Variants in PTRH1 observed in about 807,000 individuals in gnomAD.
PTRH1 encodes peptidyl-tRNA hydrolase.
A neutral mutation model predicts 15.7 loss-of-function variants in PTRH1; 13 were observed. The ratio of observed to expected loss-of-function variants is 0.83; its 90% CI spans 0.54 to 1.31. The LOEUF (loss-of-function observed/expected upper bound fraction) is 1.31, where lower values mean the gene tolerates loss of function less well. Among genes scored for constraint, PTRH1 ranks in the 40% most tolerant of loss-of-function variants. PTRH1 has a pLI of 0.00. For missense variants in PTRH1, 319 were observed against 296.2 expected, an observed-to-expected ratio of 1.08 and a Z score of -0.56; for synonymous variants, 139 against 136.7, an observed-to-expected ratio of 1.02 and a Z score of -0.12.
intron 1 of PTRH1, among the ~76,000 whole-genome samples, chr9:127,701,108 G>T (rs779907146): frequency 7.9e-5 from 12 of 152,154 alleles, no homozygotes; most frequent in Admixed American, 1.3e-4. Context: ...TGCTGAATAT[G>T]TATGTTTAGC....
chr9:127,708,605 C>T lies in PTRH1; in HGVS notation c.205+6830G>A, dbSNP rs1588389262. ...ACTTCCCTTGAAATTCACAAACTTC[C>T]CTTGAGCTGAGATATCAGGTAGAAT... On this transcript the variant is annotated intron_variant, in intron 1 of 2. Coordinates refer to the PTRH1 transcript ENST00000335223. 3.9e-5 allele frequency among the ~76,000 whole-genome samples: 6 copies of T among 152,134 alleles called. No homozygotes were observed. The South Asian group carries it at 1.0e-3, about 26-fold the overall frequency.
At position 127,715,568 on chromosome 9, in the gene PTRH1, A is replaced by G. The variant is rs1842951166; in HGVS notation, c.72T>C (p.Pro24=). The change falls in exon 1 of 5, where the codon CCT becomes CCC. Residue 24 remains proline (P), a synonymous_variant. Transcript: ENST00000543175. This position sits in a 1 kb window ranked among gnomAD's most constrained non-coding sequence, Gnocchi z 5.8. ...SRAMSRCVLE[P]RPPGKRWMVA... ...CCATCCACCGCTTCCCCGGGGGGCG[A>G]GGCTCCAAAACACATCGGCTCATGG... The G allele has an allele frequency of 6.2e-7, 1 of 1,613,336 alleles. No homozygotes were observed. The highest frequency in any genetic ancestry group is 1.7e-5 in the Admixed American group (1 of 59,998).
downstream of PTRH1, chr9:127,710,684 C>T (rs1842745354): frequency 7.6e-6 from 12 of 1,578,100 alleles, no homozygotes; most frequent in African/African-American, 1.3e-5. Flanking sequence ...GGAGCAGGTG[C>T]GGAAGCAGGA....
chr9:127,710,652 C>T (rs190081607), downstream of PTRH1: 46 of 1,586,808 alleles, frequency 2.9e-5, no homozygotes, highest in African/African-American at 4.0e-5. Flanking sequence ...GAGGAGGTCA[C>T]GGACAAGTTC....
chr9:127,714,449 T>C (rs766063958), intron 3 of PTRH1, 25 bp from the exon 4 acceptor site: 1 of 1,613,558 alleles, frequency 6.2e-7, no homozygotes, highest in Admixed American at 1.7e-5. Context: ...GGAGGGGCAG[T>C]TAGTGCCTCC....
Position 127,715,030 on chromosome 9 carries a change from G to A in PTRH1, c.261C>T (p.Val87=). Reference sequence around the variant, plus strand: ...TCATAAGCCGCCGTGGCCGGAGCAGGACCAGTTGGGCATCCCCCAGCGGGG... The same window carrying A: ...TCATAAGCCGCCGTGGCCGGAGCAGAACCAGTTGGGCATCCCCCAGCGGGG... The part of the protein sequence containing the change: ...ALAPLGDAQL[V]LLRPRRLMNA... Residue 87 remains valine (V), a synonymous_variant, in exon 2 of 5, where the codon GTC becomes GTT. Transcript: ENST00000543175. This position sits in a 1 kb window ranked among gnomAD's most constrained non-coding sequence, Gnocchi z 5.8. The A allele has an allele frequency of 6.6e-7, 1 of 1,521,692 alleles. No homozygotes were observed. The highest frequency in any genetic ancestry group is 8.8e-7 in the Non-Finnish European group (1 of 1,140,614). 94.3% of individuals were successfully genotyped at this position (1,521,692 alleles called of 1,614,324 possible).
chr9:127,712,116 A>C, downstream of PTRH1: 1 of 1,558,766 alleles, frequency 6.4e-7, no homozygotes, highest in Non-Finnish European at 8.7e-7. Flanking sequence ...GGGCTTGGAG[A>C]GAAATGGCAG....
intron 1 of PTRH1, among the ~76,000 whole-genome samples, chr9:127,704,594 GA>G (rs1362749808): frequency 2.6e-5 from 4 of 151,760 alleles, no homozygotes; most frequent in African/African-American, 9.7e-5. Context: ...AGAGATATGC[GA>G]CTGTGATGTG....
downstream of PTRH1, chr9:127,711,932 T>C (rs1445418653): frequency 1.2e-6 from 2 of 1,606,232 alleles, no homozygotes. Context: ...CAGCTGCAGG[T>C]GGATAACCAG....
chr9:127,710,602 G>T, downstream of PTRH1: 1 of 1,580,486 alleles, frequency 6.3e-7, no homozygotes, highest in East Asian at 2.3e-5. Context: ...GGCGGCCAGG[G>T]GGGAAGCTGG....
chr9:127,713,177 G>T (rs1240872337), downstream of PTRH1: 1 of 1,570,454 alleles, frequency 6.4e-7, no homozygotes, highest in Non-Finnish European at 8.6e-7. Flanking sequence ...CACCCGTGTG[G>T]GGACCTTCCG....
chr9:127,694,895 G>A (rs1316843421), intron 2 of PTRH1: 1 of 682,886 alleles, frequency 1.5e-6, no homozygotes, highest in Admixed American at 2.0e-5. Context: ...AGGCCAGAGT[G>A]GTTAGGAGCA....
At chr9:127,700,621 ACT>A (rs1304543807) in intron 1 of PTRH1, among the ~76,000 whole-genome samples, 1 of 152,002 alleles carries the variant, frequency 6.6e-6, no homozygotes, top group East Asian at 1.9e-4. Context: ...GGCAGAGCAG[ACT>A]CTTCTATGGC....
chr9:127,713,910 C>T lies in PTRH1; in HGVS notation c.*190G>A, dbSNP rs926989419. The T allele has an allele frequency of 3.1e-6, 5 of 1,612,592 alleles. No homozygotes were observed. The highest frequency in any genetic ancestry group is 3.4e-6 in the Non-Finnish European group (4 of 1,178,856). The stretch of plus-strand genomic sequence containing the variant: ...GTTCCCCTACGTCCCAAGTAGGACA[C>T]AGAGAGAAGAACCTACTCCAGAAAT... On this transcript the variant is annotated 3_prime_UTR_variant, in exon 5 of 5. Coordinates refer to ENST00000543175, the MANE Select transcript of PTRH1 (RefSeq NM_001002913.3).
At chr9:127,700,726 T>C (rs1455386580) in intron 1 of PTRH1, among the ~76,000 whole-genome samples, 1 of 152,212 alleles carries the variant, frequency 6.6e-6, no homozygotes, top group Non-Finnish European at 1.5e-5. Flanking sequence ...TCTTTTTCTC[T>C]AGCAGCTAAA....
Position 127,715,399 on chromosome 9 carries a change from T to A in PTRH1, c.96+145A>T. 1 of 1,334,122 alleles carries A rather than the reference T, an allele frequency of 7.5e-7. No homozygotes were observed. Among genetic ancestry groups the A allele is most frequent in the Non-Finnish European group, 1.0e-6 (1 of 958,308 alleles). The allele number at this position is 1,334,122 out of a possible 1,614,324, so 82.6% of individuals were successfully genotyped here. A position where few individuals can be genotyped will look rare whatever the true frequency, so the allele number is the denominator to read the frequency against. ...GGCGCCCTAGTGCAGGAACGGAGCTTCAAGAAGTTTGGAGCCCGTCGAGCA... is the reference window on the plus strand; with the variant it reads ...GGCGCCCTAGTGCAGGAACGGAGCTACAAGAAGTTTGGAGCCCGTCGAGCA... On this transcript the variant is annotated intron_variant, in intron 1 of 4. Coordinates refer to ENST00000543175, the MANE Select transcript of PTRH1 (RefSeq NM_001002913.3). This position sits in a 1 kb window ranked among gnomAD's most constrained non-coding sequence, Gnocchi z 5.8.
chr9:127,704,358 A>T (rs2131579504), intron 1 of PTRH1, among the ~76,000 whole-genome samples: 1 of 152,156 alleles, frequency 6.6e-6, no homozygotes, highest in South Asian at 2.1e-4. Flanking sequence ...AAATTAAAAA[A>T]TTAGCCAGGC....
chr9:127,712,345 T>A (rs1487296391), downstream of PTRH1: 22 of 1,613,678 alleles, frequency 1.4e-5, no homozygotes, highest in Non-Finnish European at 1.9e-5. Context: ...CAGAACATTC[T>A]GCAGGTGAGC....
In PTRH1 at chr9:127,714,993, G is replaced by A. The variant is rs1307942535; in HGVS notation, c.298C>T (p.Arg100Cys). The A allele has an allele frequency of 1.4e-5, 16 of 1,183,652 alleles. No individual in the cohort carries two copies. Among genetic ancestry groups the A allele is most frequent in the Non-Finnish European group, 1.6e-5 (15 of 932,728 alleles). 73.3% of individuals were successfully genotyped at this position (1,183,652 alleles called of 1,614,324 possible). A position where few individuals can be genotyped will look rare whatever the true frequency, so the allele number is the denominator to read the frequency against. Residue 100 changes from arginine (R) to cysteine (C), a missense_variant, in exon 2 of 5, where the codon CGC becomes TGC. Physicochemically the swap from Arg to Cys is radical, Grantham distance 180. Transcript: ENST00000543175. The part of the protein sequence containing the change: ...RPRRLMNANG[R>C]SVARAAELFG... ...AACTCACCAGCCCGGGCCACGCTGCGCCCGTTGGCGTTCATAAGCCGCCGT... is the reference window on the plus strand; with the variant it reads ...AACTCACCAGCCCGGGCCACGCTGCACCCGTTGGCGTTCATAAGCCGCCGT...
Sources: gnomAD v4.1 joint callset for allele counts (sites outside exome capture counted in the v4.1 genomes callset) on GRCh38, gnomAD v4.1.1 for gene constraint, Gnocchi (gnomAD v3.1) non-coding constraint, MANE v1.5 for transcripts, NCBI Gene and HGNC (gene_info 2026-07-23, HGNC 2026-07-21) for gene names.